Variants in CCDC85A observed in about 807,000 individuals in gnomAD.
CCDC85A encodes coiled-coil domain-containing protein 85A.
CCDC85A carries 38 observed loss-of-function variants against 50.2 expected under a neutral mutation model. The ratio of observed to expected loss-of-function variants is 0.76; its 90% confidence interval spans 0.58 to 0.99. The LOEUF is 0.99. Among genes scored for constraint, CCDC85A ranks in the 50% least tolerant of loss-of-function variants. CCDC85A has a pLI of 0.00. For missense variants in CCDC85A, 820 were observed against 742.0 expected, an observed-to-expected ratio of 1.11 and a Z score of -1.22; for synonymous variants, 366 against 301.4, an observed-to-expected ratio of 1.21 and a Z score of -2.22.
In CCDC85A at chr2:56,184,692, C is replaced by G. The variant is rs1331230148; in HGVS notation, c.68C>G (p.Ala23Gly). 2 of 1,523,168 alleles carry G rather than the reference C, an allele frequency of 1.3e-6. No homozygotes were observed. The highest frequency in any genetic ancestry group is 1.8e-6 in the Non-Finnish European group (2 of 1,139,764). 94.4% of individuals were successfully genotyped at this position (1,523,168 alleles called of 1,614,324 possible). A position where few individuals can be genotyped will look rare whatever the true frequency, so the allele number is the denominator to read the frequency against. The change falls in exon 1 of 6, where the codon GCC (alanine) becomes GGC (glycine). Residue 23 changes from alanine (A) to glycine (G), a missense_variant. Coordinates refer to ENST00000407595, the MANE Select transcript of CCDC85A (RefSeq NM_001080433.2). ...AAAESCSPAPAGSSAAPPAPV... is the reference protein window; with the variant it reads ...AAAESCSPAPGGSSAAPPAPV... ...GCGGAAAGTTGTTCCCCAGCCCCGG[C>G]CGGCTCGTCCGCGGCCCCGCCCGCG...
At chr2:56,322,976 G>A (rs1037133362) in intron 2 of CCDC85A, among the ~76,000 whole-genome samples, 1 of 152,156 alleles carries the variant, frequency 6.6e-6, no homozygotes, top group African/African-American at 2.4e-5. Context: ...AAAAAAGGAT[G>A]AGTTCATGTC....
At chr2:56,336,448 C>A (rs1674080038) in intron 2 of CCDC85A, among the ~76,000 whole-genome samples, 1 of 152,128 alleles carries the variant, frequency 6.6e-6, no homozygotes, top group African/African-American at 2.4e-5. Flanking sequence ...GCCAGTGTGC[C>A]CAGCCTCCTC....
chr2:56,223,190 G>A (rs1448492219), intron 2 of CCDC85A, among the ~76,000 whole-genome samples: 3 of 152,068 alleles, frequency 2.0e-5, no homozygotes, highest in Admixed American at 1.3e-4. Flanking sequence ...TTTTCATTTG[G>A]ATGCATAAAT....
chr2:56,206,423 G>A (rs991968), intron 2 of CCDC85A, among the ~76,000 whole-genome samples: 94,246 of 151,934 alleles, frequency 0.62, 31,131 homozygotes, highest in Non-Finnish European at 0.73. Context: ...ATGAACAGAC[G>A]TTTATTTGGC....
intron 2 of CCDC85A, among the ~76,000 whole-genome samples, chr2:56,285,105 T>C (rs1671373531): frequency 6.6e-6 from 1 of 151,740 alleles, no homozygotes; most frequent in Admixed American, 6.6e-5. Flanking sequence ...TTCTTTCTTT[T>C]TTTTTTTTCT....
chr2:56,383,872 T>C (rs1676705161), intron 5 of CCDC85A: 2 of 534,056 alleles, frequency 3.7e-6, no homozygotes, highest in East Asian at 1.5e-4. Flanking sequence ...GAATTACTTT[T>C]AGAGCTTTTT....
At chr2:56,279,137 G>A (rs1671091096) in intron 2 of CCDC85A, among the ~76,000 whole-genome samples, 1 of 152,150 alleles carries the variant, frequency 6.6e-6, no homozygotes, top group Non-Finnish European at 1.5e-5. Context: ...AATGGACTGT[G>A]AACTAGAAAG....
intron 5 of CCDC85A, among the ~76,000 whole-genome samples, chr2:56,379,405 A>G (rs1676482023): frequency 6.6e-6 from 1 of 152,202 alleles, no homozygotes; most frequent in Non-Finnish European, 1.5e-5. Context: ...TCATCATTAC[A>G]GTGGAGCAAG....
At chr2:56,186,918 A>G (rs1160484546) in intron 1 of CCDC85A, among the ~76,000 whole-genome samples, 1 of 152,156 alleles carries the variant, frequency 6.6e-6, no homozygotes, top group Non-Finnish European at 1.5e-5. Context: ...CTACTTCCTT[A>G]TCAAGTTCAG....
At chr2:56,278,433 G>T (rs752280173) in intron 2 of CCDC85A, among the ~76,000 whole-genome samples, 1 of 152,066 alleles carries the variant, frequency 6.6e-6, no homozygotes, top group South Asian at 2.1e-4. Context: ...ACTTTTAGAC[G>T]CATAGCAAAG....
At chr2:56,232,158 A>T (rs1225757093) in intron 2 of CCDC85A, among the ~76,000 whole-genome samples, 1 of 152,102 alleles carries the variant, frequency 6.6e-6, no homozygotes, top group African/African-American at 2.4e-5. Context: ...ATCTGTACCT[A>T]TAGCCATGAC....
chr2:56,212,583 A>G (rs1047797421), intron 2 of CCDC85A, among the ~76,000 whole-genome samples: 1 of 152,070 alleles, frequency 6.6e-6, no homozygotes. Context: ...TCTAAAATTT[A>G]TGTATCTTGA....
chr2:56,374,389 A>G lies in CCDC85A; in HGVS notation c.1453-1427A>G, dbSNP rs569452442. ...GAAAATCTTCCAAATTGCAAAAATA[A>G]TAATCTGCAATAATAACATTAAGTT... On this transcript the variant is annotated intron_variant, in intron 4 of 5. Coordinates refer to ENST00000407595, the MANE Select transcript of CCDC85A (RefSeq NM_001080433.2). Among the ~76,000 whole-genome samples, 9 of 152,364 alleles carry G rather than the reference A, an allele frequency of 5.9e-5. No individual in the cohort carries two copies. The South Asian group carries it at 1.9e-3, about 32-fold the overall frequency.
intron 1 of CCDC85A, chr2:56,185,904 T>C (rs1676012806): frequency 6.6e-6 from 1 of 152,288 alleles, no homozygotes; most frequent in South Asian, 2.1e-4. Flanking sequence ...ACAAACGAAA[T>C]CACTGCAGGG....
chr2:56,212,417 ACTGTTGTCG>A (rs67819207), intron 2 of CCDC85A, among the ~76,000 whole-genome samples: 21,811 of 151,884 alleles, frequency 0.14, 1,907 homozygotes, highest in East Asian at 0.34. Flanking sequence ...TTCCAAAATT[ACTGTTGTCG>A]AATGGCAGTG....
chr2:56,226,807 G>T (rs1668561498), intron 2 of CCDC85A, among the ~76,000 whole-genome samples: 4 of 151,814 alleles, frequency 2.6e-5, no homozygotes, highest in Admixed American at 2.6e-4. Flanking sequence ...TTACATTTCT[G>T]CCACAGTTTG....
chr2:56,209,257 A>T (rs1677088357), intron 2 of CCDC85A, among the ~76,000 whole-genome samples: 1 of 152,140 alleles, frequency 6.6e-6, no homozygotes, highest in East Asian at 1.9e-4. Flanking sequence ...ATTTGAAAGT[A>T]AACACTCTTC....
intron 2 of CCDC85A, among the ~76,000 whole-genome samples, chr2:56,248,312 T>C (rs1669599529): frequency 6.6e-6 from 1 of 152,164 alleles, no homozygotes; most frequent in Admixed American, 6.5e-5. Flanking sequence ...CCAGCCTTGC[T>C]TACTTCTGTT....
intron 2 of CCDC85A, among the ~76,000 whole-genome samples, chr2:56,269,994 A>G (rs1670629371): frequency 6.6e-6 from 1 of 152,210 alleles, no homozygotes; most frequent in Non-Finnish European, 1.5e-5. Context: ...CAGTAGTGGC[A>G]TTGCCAAGCT....
Sources: gnomAD v4.1 joint callset for allele counts (sites outside exome capture counted in the v4.1 genomes callset) on GRCh38, gnomAD v4.1.1 for gene constraint, MANE v1.5 for transcripts, NCBI Gene and HGNC (gene_info 2026-07-23, HGNC 2026-07-21) for gene names.